RPL27: variants seen among roughly 807,000 people sequenced by gnomAD.
RPL27 encodes the protein ribosomal protein L27, also known as large ribosomal subunit protein eL27.
For synonymous variants in RPL27, 77 were observed against 61.0 expected, an observed-to-expected ratio of 1.26 and a Z score of -1.22; for missense variants, 131 against 174.3, an observed-to-expected ratio of 0.75 and a Z score of 1.40.
chr17:42,999,727 T>A (rs2050339231), intron 2 of RPL27: 3 of 555,304 alleles, frequency 5.4e-6, no homozygotes, highest in Admixed American at 3.2e-5. Flanking sequence ...TTACCTCTAG[T>A]AAGCCGTTCC....
At position 42,999,993 on chromosome 17, in the gene RPL27, C is replaced by G. The variant is rs1156831484; in HGVS notation, c.142C>G (p.Arg48Gly). The part of the protein sequence containing the change: ...YSHALVAGID[R>G]YPRKVTAAMG... ...CCATGCTCTGGTGGCTGGAATTGAC[C>G]GCTACCCCCGCAAAGTGACAGCTGC... is the stretch of plus-strand genomic sequence containing the variant. The change falls in exon 3 of 5, where the codon CGC becomes GGC. Residue 48 changes from arginine to glycine, a missense_variant. Arg to Gly is a moderately radical substitution (Grantham distance 125). Coordinates refer to ENST00000253788, the MANE Select transcript of RPL27 (RefSeq NM_000988.5). 3 of 1,612,078 alleles carry G rather than the reference C, an allele frequency of 1.9e-6. No homozygotes were observed. The highest frequency in any genetic ancestry group is 2.2e-5 in the South Asian group (2 of 90,990).
chr17:43,002,867 TC>T lies in RPL27; in HGVS notation c.363-4del. The T allele has an allele frequency of 6.2e-7, 1 of 1,613,736 alleles. No homozygotes were observed. Among genetic ancestry groups the T allele is most frequent in the Non-Finnish European group, 8.5e-7 (1 of 1,179,652 alleles). On this transcript the variant is annotated splice_region_variant and splice_polypyrimidine_tract_variant and intron_variant, in intron 4 of 4. Transcript: ENST00000253788. Reference sequence around the variant, plus strand: ...TCATTGGTGTCCTCTTTTTTTCCCTTCTAGATACAAGACAGGCAAGAACAAG... The same window carrying T: ...TCATTGGTGTCCTCTTTTTTTCCCTTTAGATACAAGACAGGCAAGAACAAG...
chr17:42,999,873 T>C, intron 2 of RPL27, 60 bp from the exon 3 acceptor site: 1 of 1,444,156 alleles, frequency 6.9e-7, no homozygotes, highest in Non-Finnish European at 9.7e-7. Context: ...CTGCACTACC[T>C]CTAACACAGG....
chr17:42,998,931 A>T, intron 2 of RPL27, 100 bp downstream of exon 2: 1 of 930,572 alleles, frequency 1.1e-6, no homozygotes, highest in South Asian at 1.4e-5. Flanking sequence ...CTGGGGCAGT[A>T]GCCAGTGAGC....
intron 1 of RPL27, 69 bp from the exon 2 acceptor site, chr17:42,998,680 C>A: frequency 4.1e-6 from 5 of 1,234,350 alleles, no homozygotes; most frequent in Non-Finnish European, 5.9e-6. Flanking sequence ...GGCTTGCTGG[C>A]AGGAGTCAGC....
intron 2 of RPL27, 32 bp downstream of exon 2, chr17:42,998,863 A>T: frequency 6.3e-7 from 1 of 1,586,164 alleles, no homozygotes; most frequent in Non-Finnish European, 8.7e-7. Flanking sequence ...GCGTCCTTGC[A>T]TGCCGGGACC....
chr17:43,002,684 A>C lies in RPL27; in HGVS notation c.263A>C (p.Asp88Ala). 2 of 1,610,030 alleles carry C rather than the reference A, an allele frequency of 1.2e-6. No homozygotes were observed. The highest frequency in any genetic ancestry group is 1.7e-6 in the Non-Finnish European group (2 of 1,176,440). ...NHLMPTRYSVDIPLDKTVVNK... is the reference protein window; with the variant it reads ...NHLMPTRYSVAIPLDKTVVNK... ...ACCTTTGTCCCCAGGTACTCTGTGG[A>C]TATCCCCTTGGACAAAACTGTCGTC... is the stretch of plus-strand genomic sequence containing the variant. Residue 88 changes from aspartate to alanine, a missense_variant, in exon 4 of 5, where the codon GAT (aspartate) becomes GCT (alanine). Asp to Ala is a moderately radical substitution (Grantham distance 126). Coordinates refer to ENST00000253788, the MANE Select transcript of RPL27 (RefSeq NM_000988.5).
At position 42,998,801 on chromosome 17, in the gene RPL27, C is replaced by A. The variant is rs1804328; in HGVS notation, c.51C>A (p.Arg17=). The change falls in exon 2 of 5, where the codon CGC becomes CGA. Residue 17 remains arginine (R), a synonymous_variant. Coordinates refer to ENST00000253788, the MANE Select transcript of RPL27 (RefSeq NM_000988.5). The part of the protein sequence containing the change: ...PGKVVLVLAG[R]YSGRKAVIVK... ...AGGTGGTGCTTGTCCTGGCTGGACG[C>A]TACTCCGGACGCAAAGCTGTCATCG... 64 of 1,613,860 alleles carry A rather than the reference C, an allele frequency of 4.0e-5. No homozygotes were observed. The highest frequency in any genetic ancestry group is 5.4e-5 in the Non-Finnish European group (64 of 1,179,924).
chr17:43,000,140 C>A, intron 3 of RPL27, 38 bp downstream of exon 3: 1 of 1,513,994 alleles, frequency 6.6e-7, no homozygotes, highest in Non-Finnish European at 9.1e-7. Context: ...ATTTCTTCTC[C>A]CTGCTCTGTT....
chr17:42,998,545 C>G (rs1264610198), intron 1 of RPL27, 74 bp downstream of exon 1: 1 of 460,532 alleles, frequency 2.2e-6, no homozygotes, highest in African/African-American at 2.1e-5. Flanking sequence ...CCGGGCGGCG[C>G]CGGGTGCATT....
rs1285078333 is a variant in RPL27 at position 42,998,804 on chromosome 17, C to T, written c.54C>T (p.Tyr18=). Residue 18 remains tyrosine, a synonymous_variant, in exon 2 of 5, where the codon TAC becomes TAT. Transcript: ENST00000253788. ...TGGTGCTTGTCCTGGCTGGACGCTA[C>T]TCCGGACGCAAAGCTGTCATCGTGA... is the stretch of plus-strand genomic sequence containing the variant. ...GKVVLVLAGR[Y]SGRKAVIVKN... is the part of the protein sequence containing the mutation. 1.2e-6 allele frequency: 2 copies of T among 1,613,870 alleles called. No homozygotes were observed. Among genetic ancestry groups the T allele is most frequent in the East Asian group, 2.2e-5 (1 of 44,888 alleles).
chr17:43,000,940 T>G (rs796807834), intron 3 of RPL27, among the ~76,000 whole-genome samples: 59 of 151,762 alleles, frequency 3.9e-4, no homozygotes, highest in African/African-American at 1.4e-3. Context: ...TCCCAGCTAT[T>G]TGGGAGGCTG....
intron 2 of RPL27, chr17:42,999,338 A>G (rs2050334735): frequency 6.5e-6 from 1 of 155,010 alleles, no homozygotes; most frequent in African/African-American, 2.4e-5. Flanking sequence ...TCCTGTTGCT[A>G]AGGTTTGGAG....
intron 3 of RPL27, among the ~76,000 whole-genome samples, chr17:43,001,364 G>A (rs530853294): frequency 1.3e-5 from 2 of 151,994 alleles, no homozygotes; most frequent in South Asian, 2.1e-4. Flanking sequence ...CATGGCTCAC[G>A]CCTGTAATCC....
chr17:43,002,626 C>A, intron 3 of RPL27, 47 bp from the exon 4 acceptor site: 1 of 1,170,642 alleles, frequency 8.5e-7, no homozygotes, highest in Non-Finnish European at 1.3e-6. Context: ...TGTATAGGGG[C>A]CCCGGCAGTA....
chr17:43,001,745 T>C (rs2151965887), intron 3 of RPL27, among the ~76,000 whole-genome samples: 1 of 151,652 alleles, frequency 6.6e-6, no homozygotes. Context: ...ACTTGAACAA[T>C]AAGGAAATGA....
chr17:43,000,434 C>A (rs2050347372), intron 3 of RPL27, among the ~76,000 whole-genome samples: 1 of 151,868 alleles, frequency 6.6e-6, no homozygotes, highest in Non-Finnish European at 1.5e-5. Flanking sequence ...ACCTGTTGGG[C>A]CCTTTAGTCT....
chr17:42,998,472 G>A lies in RPL27; in HGVS notation c.-3+1G>A. The A allele has an allele frequency of 6.4e-6, 2 of 314,878 alleles. No homozygotes were observed. The highest frequency in any genetic ancestry group is 7.0e-5 in the South Asian group (2 of 28,710). 19.5% of individuals were successfully genotyped at this position (314,878 alleles called of 1,614,324 possible). ...TGGTAGGGCCGGGTGGTTGCTGCCG[G>A]TAAGTAGAAGCTTGGGTTGAATCTT... On this transcript the variant is annotated splice_donor_variant, in intron 1 of 4. Transcript: ENST00000253788. LOFTEE classifies it low-confidence loss of function (5UTR_SPLICE).
intron 1 of RPL27, 59 bp from the exon 2 acceptor site, chr17:42,998,690 C>A: frequency 2.3e-6 from 3 of 1,331,808 alleles, no homozygotes; most frequent in Non-Finnish European, 3.2e-6. Flanking sequence ...CAGGAGTCAG[C>A]TCTGGGCATC....
Sources: gnomAD v4.1 joint callset for allele counts (sites outside exome capture counted in the v4.1 genomes callset) on GRCh38, gnomAD v4.1.1 for gene constraint, MANE v1.5 for transcripts, NCBI Gene and HGNC (gene_info 2026-07-23, HGNC 2026-07-21) for gene names.